The following CNTLN variants were observed in gnomAD, a reference collection of about 807,000 sequenced individuals.
CNTLN encodes centlein, also known as centlein, centrosomal protein.
In CNTLN, 212 loss-of-function variants were observed where a neutral mutation model predicts 180.0. The ratio of observed to expected loss-of-function variants is 1.18; its 90% CI spans 1.05 to 1.32. The LOEUF is 1.32. Ranked by LOEUF, CNTLN falls within the 40% of genes most tolerant of loss-of-function variation. The pLI is 0.00. For missense variants in CNTLN, 2,095 were observed against 1,610.9 expected (o/e 1.30, Z -5.14); for synonymous variants, 722 against 563.1 (o/e 1.28, Z -3.99).
At chr9:17,181,372 G>T (rs749884837) in intron 2 of CNTLN, among the ~76,000 whole-genome samples, 1 of 152,092 alleles carries the variant, frequency 6.6e-6, no homozygotes, top group Non-Finnish European at 1.5e-5. Context: ...TTGTTTTTTC[G>T]TTGTATCTTC....
At chr9:17,446,140 C>T (rs1052033591) in intron 18 of CNTLN, among the ~76,000 whole-genome samples, 1 of 152,162 alleles carries the variant, frequency 6.6e-6, no homozygotes, top group African/African-American at 2.4e-5. Context: ...TCGAGAAACA[C>T]CCACGAATGA....
Position 17,503,559 on chromosome 9 carries a change from C to G in CNTLN, c.*907C>G, listed in dbSNP as rs1478615556. 6.6e-6 allele frequency: 1 copy of G among 152,254 alleles called. No homozygotes were observed. The highest frequency in any genetic ancestry group is 1.5e-5 in the Non-Finnish European group (1 of 68,054). 9.4% of individuals were successfully genotyped at this position (152,254 alleles called of 1,614,324 possible). On this transcript the variant is annotated 3_prime_UTR_variant, in exon 26 of 26. Coordinates refer to ENST00000380647, the MANE Select transcript of CNTLN (RefSeq NM_017738.4). ...TGCACTCAACTTTCCTCATGGCTGG[C>G]TCCTTGTCATCATTCAGCTCCACCT...
At chr9:17,150,430 G>A (rs1353946603) in intron 2 of CNTLN, among the ~76,000 whole-genome samples, 1 of 152,144 alleles carries the variant, frequency 6.6e-6, no homozygotes, top group Non-Finnish European at 1.5e-5. Context: ...TTGCTTGTGT[G>A]TGTCAGGTTT....
intron 7 of CNTLN, among the ~76,000 whole-genome samples, chr9:17,304,395 G>A (rs1234614630): frequency 6.6e-6 from 1 of 152,062 alleles, no homozygotes; most frequent in Admixed American, 6.6e-5. Flanking sequence ...ATTAAATATT[G>A]ATAAGGAATT....
intron 15 of CNTLN, among the ~76,000 whole-genome samples, chr9:17,397,554 G>A (rs1374314161): frequency 2.6e-5 from 4 of 152,076 alleles, no homozygotes; most frequent in African/African-American, 4.8e-5. Context: ...GGTTTTCACC[G>A]GCTTCTTTAC....
chr9:17,254,653 A>G (rs1295206402), intron 5 of CNTLN, among the ~76,000 whole-genome samples: 2 of 151,522 alleles, frequency 1.3e-5, no homozygotes, highest in Non-Finnish European at 3.0e-5. Flanking sequence ...ATTGGTCTGT[A>G]TATCTGTATG....
chr9:17,516,603 C>A, the CNTLN span, among the ~76,000 whole-genome samples: 3 of 152,090 alleles, frequency 2.0e-5, no homozygotes, highest in African/African-American at 4.8e-5. Flanking sequence ...TCTTCTTGGC[C>A]CCCCCTGGAT....
chr9:17,357,832 G>C (rs1019562754), intron 12 of CNTLN, among the ~76,000 whole-genome samples: 4 of 151,416 alleles, frequency 2.6e-5, no homozygotes, highest in Admixed American at 1.3e-4. Context: ...GAATGCTAAT[G>C]ACTAAATAAT....
chr9:17,216,240 G>C (rs545528680), intron 2 of CNTLN, among the ~76,000 whole-genome samples: 2 of 152,200 alleles, frequency 1.3e-5, no homozygotes, highest in Non-Finnish European at 2.9e-5. Context: ...AACACAAGCC[G>C]TTGAGTCAGG....
intron 7 of CNTLN, among the ~76,000 whole-genome samples, chr9:17,305,844 A>G (rs772494642): frequency 6.6e-6 from 1 of 152,180 alleles, no homozygotes; most frequent in Non-Finnish European, 1.5e-5. Context: ...CAGTCAGCCA[A>G]CAAAGAAAAC....
At chr9:17,402,301 C>T (rs561264186) in intron 15 of CNTLN, among the ~76,000 whole-genome samples, 1 of 151,720 alleles carries the variant, frequency 6.6e-6, no homozygotes, top group Admixed American at 6.6e-5. Context: ...AGTGACAAAC[C>T]CAAAATATGA....
intron 1 of CNTLN, among the ~76,000 whole-genome samples, chr9:17,141,569 A>T (rs1195645659): frequency 6.6e-6 from 1 of 152,158 alleles, no homozygotes; most frequent in African/African-American, 2.4e-5. Flanking sequence ...TGTAGCCTTG[A>T]CACAGAGTTT....
At chr9:17,263,887 GTTGT>G (rs769252587) in intron 5 of CNTLN, among the ~76,000 whole-genome samples, 5,621 of 119,496 alleles carry the variant, frequency 0.047, 288 homozygotes, top group East Asian at 0.14. Flanking sequence ...TTTTGATGGG[GTTGT>G]TTGTTTTTTT....
At chr9:17,367,388 C>T (rs1185779853) in intron 13 of CNTLN, among the ~76,000 whole-genome samples, 1 of 121,360 alleles carries the variant, frequency 8.2e-6, no homozygotes, top group Non-Finnish European at 1.9e-5. Context: ...GACTTTGGGG[C>T]TCTATATAAA....
intron 2 of CNTLN, among the ~76,000 whole-genome samples, chr9:17,175,615 T>G (rs750601686): frequency 6.6e-6 from 1 of 152,194 alleles, no homozygotes; most frequent in Admixed American, 6.5e-5. Context: ...AAAATTGTTT[T>G]AGATATTTCA....
At chr9:17,239,720 A>G (rs1397813307) in intron 5 of CNTLN, among the ~76,000 whole-genome samples, 1 of 152,250 alleles carries the variant, frequency 6.6e-6, no homozygotes, top group East Asian at 1.9e-4. Context: ...TTTGTTGAAG[A>G]AAATTCTTTT....
intron 13 of CNTLN, among the ~76,000 whole-genome samples, chr9:17,385,523 G>C (rs1825620221): frequency 1.3e-5 from 2 of 152,076 alleles, no homozygotes; most frequent in Non-Finnish European, 2.9e-5. Context: ...AATAACAAAA[G>C]ATGGTCCTAT....
rs10810743 is a variant in CNTLN, at chr9:17,275,316, T to G, written c.983+1450T>G. On this transcript the variant is annotated intron_variant, in intron 6 of 25. Transcript: ENST00000380647. Reference sequence around the variant, plus strand: ...CCTTTTTATAATTCCCACCCATTTATTGTAGTTTTATTATCTGGAGAATCT... The same window carrying G: ...CCTTTTTATAATTCCCACCCATTTAGTGTAGTTTTATTATCTGGAGAATCT... 5.9e-5 allele frequency among the ~76,000 whole-genome samples: 9 copies of G among 152,086 alleles called. No individual in the cohort carries two copies. The East Asian group carries it at 1.7e-3, about 29-fold the overall frequency.
At chr9:17,448,377 C>G (rs1481222665) in intron 18 of CNTLN, 2 of 152,154 alleles carry the variant, frequency 1.3e-5, no homozygotes, top group African/African-American at 4.8e-5. Flanking sequence ...TTTAGTCCAT[C>G]CAAGCCCATA....
Sources: gnomAD v4.1 joint callset for allele counts (sites outside exome capture counted in the v4.1 genomes callset) on GRCh38, gnomAD v4.1.1 for gene constraint, MANE v1.5 for transcripts, NCBI Gene and HGNC (gene_info 2026-07-23, HGNC 2026-07-21) for gene names.